Variants in MYH16 observed in about 807,000 individuals in gnomAD.
The protein encoded by MYH16 is putative uncharacterized protein MYH16.
chr7:99,243,594 A>G (rs555580127), intron 2 of MYH16, among the ~76,000 whole-genome samples: 1 of 152,216 alleles, frequency 6.6e-6, no homozygotes, highest in South Asian at 2.1e-4. Flanking sequence ...TTTCCACCCA[A>G]AGCCTTCGGC....
chr7:99,290,553 A>C (rs1343353780), intron 30 of MYH16, among the ~76,000 whole-genome samples: 1 of 151,060 alleles, frequency 6.6e-6, no homozygotes, highest in Non-Finnish European at 1.5e-5. Flanking sequence ...TAATCCCAGC[A>C]CTTTGGGAGG....
At chr7:99,273,516 G>A in intron 20 of MYH16, 93 bp downstream of exon 2, 1 of 433,278 alleles carries the variant, frequency 2.3e-6, no homozygotes, top group Non-Finnish European at 4.6e-6. Flanking sequence ...TCGGGAGTGA[G>A]AGGCTGCAAG....
At chr7:99,260,090 C>T (rs1791923427) in intron 11 of MYH16, 9 of 1,344,420 alleles carry the variant, frequency 6.7e-6, no homozygotes, top group East Asian at 5.1e-5. Context: ...TGCTTGTGGT[C>T]GCTTCATTCA....
chr7:99,266,354 T>A (rs1791986893), intron 17 of MYH16, among the ~76,000 whole-genome samples: 1 of 152,092 alleles, frequency 6.6e-6, no homozygotes, highest in African/African-American at 2.4e-5. Flanking sequence ...AACACTGGGG[T>A]AACTAATACC....
intron 8 of MYH16, among the ~76,000 whole-genome samples, chr7:99,255,047 T>C (rs1003896857): frequency 2.6e-5 from 4 of 152,094 alleles, no homozygotes; most frequent in African/African-American, 9.7e-5. Flanking sequence ...GGCAGGCAGA[T>C]CATCTGAAGT....
At chr7:99,246,522 C>T (rs571815826) in intron 2 of MYH16, among the ~76,000 whole-genome samples, 3 of 152,110 alleles carry the variant, frequency 2.0e-5, no homozygotes, top group Admixed American at 6.5e-5. Context: ...GCCAATATGG[C>T]GAAACCCCAT....
intron 1 of MYH16, among the ~76,000 whole-genome samples, chr7:99,241,386 C>T (rs768291844): frequency 4.6e-5 from 7 of 152,150 alleles, no homozygotes; most frequent in African/African-American, 7.2e-5. Context: ...AGTTTGAGAC[C>T]AGCCTGGCCA....
chr7:99,292,176 G>C (rs982566433), intron 31 of MYH16, 136 bp from the exon 13 acceptor site: 15 of 347,592 alleles, frequency 4.3e-5, no homozygotes, highest in Admixed American at 7.5e-5. Context: ...AACCCCGATG[G>C]TTTGGATTGT....
intron 41 of MYH16, among the ~76,000 whole-genome samples, chr7:99,306,262 C>G (rs1792677512): frequency 6.6e-6 from 1 of 152,142 alleles, no homozygotes; most frequent in African/African-American, 2.4e-5. Context: ...GGCATGGTGG[C>G]TCATGCCTGT....
At chr7:99,262,625 TCTA>T (rs1281322087) in intron 13 of MYH16, among the ~76,000 whole-genome samples, 4 of 152,340 alleles carry the variant, frequency 2.6e-5, no homozygotes, top group Non-Finnish European at 4.4e-5. Flanking sequence ...TGGCATCTCC[TCTA>T]CTTACCTCAC....
At chr7:99,297,447 T>A (rs991276239) in intron 34 of MYH16, among the ~76,000 whole-genome samples, 4 of 151,746 alleles carry the variant, frequency 2.6e-5, no homozygotes, top group African/African-American at 9.7e-5. Flanking sequence ...ATAAATTAAT[T>A]AATTAATTAA....
At chr7:99,308,332 C>T (rs1184141721), downstream of MYH16, among the ~76,000 whole-genome samples, 1 of 120,224 alleles carries the variant, frequency 8.3e-6, no homozygotes, top group Non-Finnish European at 1.7e-5. Context: ...CAGAACTGAA[C>T]AAATGCAGGC....
chr7:99,303,375 C>T (rs963495618), intron 39 of MYH16, among the ~76,000 whole-genome samples, 185 bp downstream of exon 20: 3 of 152,252 alleles, frequency 2.0e-5, no homozygotes, highest in South Asian at 4.1e-4. Context: ...AAGCCACACA[C>T]GTGAAAGTAA....
chr7:99,252,311 C>T (rs1181085310), intron 6 of MYH16: 3 of 152,476 alleles, frequency 2.0e-5, no homozygotes, highest in African/African-American at 7.2e-5. Flanking sequence ...TCGGGCTTCC[C>T]ATTGGCAGAG....
At chr7:99,286,581 A>G (rs1305817915) in intron 28 of MYH16, 1 of 152,296 alleles carries the variant, frequency 6.6e-6, no homozygotes, top group Non-Finnish European at 1.5e-5. Context: ...AGGGGAAAAA[A>G]TTGCTGGACT....
At chr7:99,289,720 G>T (rs774257552) in intron 30 of MYH16, among the ~76,000 whole-genome samples, 1 of 152,212 alleles carries the variant, frequency 6.6e-6, no homozygotes, top group Non-Finnish European at 1.5e-5. Context: ...AAGCGAACAT[G>T]TGTCAACGAT....
intron 32 of MYH16, among the ~76,000 whole-genome samples, chr7:99,293,353 CT>C (rs1209500521): frequency 6.6e-6 from 1 of 152,206 alleles, no homozygotes; most frequent in Non-Finnish European, 1.5e-5. Flanking sequence ...GGCATAGTGA[CT>C]TCCAGCTGAT....
intron 18 of MYH16, among the ~76,000 whole-genome samples, chr7:99,268,360 G>A (rs974807507): frequency 6.6e-6 from 1 of 152,226 alleles, no homozygotes; most frequent in African/African-American, 2.4e-5. Context: ...CCTGGAGAGG[G>A]GGTGGAGGTG....
chr7:99,285,052 T>C (rs1792259384), intron 26 of MYH16, 117 bp downstream of exon 8: 1 of 425,334 alleles, frequency 2.4e-6, no homozygotes, highest in Admixed American at 2.5e-5. Flanking sequence ...TGCCATAGAG[T>C]CCTTGGAGAT....
Sources: gnomAD v4.1 joint callset for allele counts (sites outside exome capture counted in the v4.1 genomes callset) on GRCh38, gnomAD v4.1.1 for gene constraint, MANE v1.5 for transcripts, NCBI Gene and HGNC (gene_info 2026-07-23, HGNC 2026-07-21) for gene names.